Variants in COL21A1 observed in about 807,000 individuals in gnomAD.
COL21A1 encodes the protein collagen alpha-1(XXI) chain.
In COL21A1, 149 loss-of-function variants were observed where a neutral mutation model predicts 137.9. The observed-to-expected ratio is 1.08, with a 90% CI of 0.95 to 1.24. COL21A1 has a LOEUF of 1.24. Among genes scored for constraint, COL21A1 ranks in the 50% most tolerant of loss-of-function variants. The pLI is 0.00. For synonymous variants in COL21A1, 456 were observed against 391.5 expected (o/e 1.16, Z -1.95); for missense variants, 1,167 against 1,158.4 (o/e 1.01, Z -0.11).
At chr6:56,164,892 C>T in intron 7 of COL21A1, 70 bp from the exon 8 acceptor site, 3 of 1,162,032 alleles carry the variant, frequency 2.6e-6, no homozygotes, top group Non-Finnish European at 3.6e-6. Context: ...GCCTAATTTA[C>T]AGATATTTCA....
chr6:56,307,258 A>T (rs146800344), intron 1 of COL21A1, among the ~76,000 whole-genome samples: 16,568 of 152,258 alleles, frequency 0.11, 1,199 homozygotes, highest in Non-Finnish European at 0.16. Flanking sequence ...GCTGTAAGAC[A>T]GGGACATTTA....
rs139175519 is a variant in COL21A1 at position 56,382,741 on chromosome 6, C to T, written c.-39+11230G>A. ...CCAGGAAGAGGGCCCTCACCAGAAA[C>T]AAACCATGATGGCACCCTGATGTCA... is the stretch of plus-strand genomic sequence containing the variant. On this transcript the variant is annotated intron_variant, in intron 1 of 28. Coordinates refer to the COL21A1 transcript ENST00000370819. Among the ~76,000 whole-genome samples the T allele has an allele frequency of 2.9e-3, 438 of 152,226 alleles. 2 individuals are homozygous for T. The highest frequency in any genetic ancestry group is 9.1e-3 in the African/African-American group (379 of 41,546).
intron 16 of COL21A1, 66 bp from the exon 17 acceptor site, chr6:56,101,591 T>C: frequency 9.3e-7 from 1 of 1,074,886 alleles, no homozygotes; most frequent in Non-Finnish European, 1.4e-6. Flanking sequence ...AAAATAACAA[T>C]ATATAACATT....
chr6:56,311,071 A>G (rs950326015), intron 1 of COL21A1, among the ~76,000 whole-genome samples: 1 of 152,206 alleles, frequency 6.6e-6, no homozygotes, highest in African/African-American at 2.4e-5. Context: ...GTGCAATGCC[A>G]ATGTATTTTA....
intron 1 of COL21A1, among the ~76,000 whole-genome samples, chr6:56,351,499 G>C (rs1765710366): frequency 1.3e-5 from 2 of 152,204 alleles, no homozygotes; most frequent in Non-Finnish European, 2.9e-5. Flanking sequence ...CTGGGAGCTA[G>C]AGACTATTGC....
At chr6:56,382,786 T>C (rs1189086741) in intron 1 of COL21A1, among the ~76,000 whole-genome samples, 8 of 152,070 alleles carry the variant, frequency 5.3e-5, no homozygotes, top group Admixed American at 3.9e-4. Flanking sequence ...CCTCCATAAT[T>C]CTAAGAAAAT....
chr6:56,265,752 T>C (rs916715776), intron 1 of COL21A1, among the ~76,000 whole-genome samples: 10 of 152,148 alleles, frequency 6.6e-5, no homozygotes, highest in African/African-American at 2.4e-4. Context: ...TTTTTGTTTG[T>C]TTGGGGGAGG....
chr6:56,266,796 T>C (rs2152331690), intron 1 of COL21A1, among the ~76,000 whole-genome samples: 1 of 152,346 alleles, frequency 6.6e-6, no homozygotes, highest in East Asian at 1.9e-4. Context: ...CACTTTATTC[T>C]TTAAAGAATG....
intron 1 of COL21A1, among the ~76,000 whole-genome samples, chr6:56,197,356 A>C (rs1011137822): frequency 6.6e-6 from 1 of 152,170 alleles, no homozygotes; most frequent in Non-Finnish European, 1.5e-5. Flanking sequence ...AAAATAAACA[A>C]GTGGGACTAC....
rs1167040044 is a variant in COL21A1 at position 56,165,014 on chromosome 6, G to T, written c.1279-192C>A. Reference sequence around the variant, plus strand: ...TACATGTTACTACTCCATTCATATAGGAGAATACAGAAAGGATATATTTTT... The same window carrying T: ...TACATGTTACTACTCCATTCATATATGAGAATACAGAAAGGATATATTTTT... On this transcript the variant is annotated intron_variant, in intron 7 of 29. Coordinates refer to ENST00000244728, the MANE Select transcript of COL21A1 (RefSeq NM_030820.4). Among the ~76,000 whole-genome samples, 12 of 138,154 alleles carry T rather than the reference G, an allele frequency of 8.7e-5. No homozygotes were observed. The Admixed American group carries it at 8.9e-4, about 10-fold the overall frequency. 90.6% of individuals were successfully genotyped at this position (138,154 alleles called of 152,430 possible).
chr6:56,212,503 A>G (rs934304339), intron 1 of COL21A1, among the ~76,000 whole-genome samples: 1 of 152,062 alleles, frequency 6.6e-6, no homozygotes, highest in African/African-American at 2.4e-5. Context: ...ATTGATAAGG[A>G]CTTAGCATTT....
At chr6:56,388,061 G>A (rs1303032142) in intron 1 of COL21A1, among the ~76,000 whole-genome samples, 1 of 152,164 alleles carries the variant, frequency 6.6e-6, no homozygotes, top group Non-Finnish European at 1.5e-5. Context: ...TTGCAACTTG[G>A]GTACCAGCTC....
chr6:56,258,146 A>G (rs553368205), intron 1 of COL21A1, among the ~76,000 whole-genome samples: 2 of 152,278 alleles, frequency 1.3e-5, no homozygotes, highest in African/African-American at 4.8e-5. Flanking sequence ...CATTACTCAG[A>G]AACTTTGGAG....
chr6:56,338,853 T>C (rs1765396446), intron 1 of COL21A1, among the ~76,000 whole-genome samples: 1 of 152,132 alleles, frequency 6.6e-6, no homozygotes. Context: ...GTCTCCTGCT[T>C]ATATAGACTT....
At chr6:56,145,465 T>C (rs1774758988) in intron 10 of COL21A1, among the ~76,000 whole-genome samples, 1 of 151,668 alleles carries the variant, frequency 6.6e-6, no homozygotes, top group Non-Finnish European at 1.5e-5. Flanking sequence ...TAGAATGAAA[T>C]TCAGAAAAAC....
At chr6:56,253,370 T>G (rs573808361) in intron 1 of COL21A1, among the ~76,000 whole-genome samples, 1 of 152,294 alleles carries the variant, frequency 6.6e-6, no homozygotes, top group African/African-American at 2.4e-5. Flanking sequence ...TTGACCCAAA[T>G]GGGGCCAGTT....
intron 24 of COL21A1, among the ~76,000 whole-genome samples, chr6:56,063,820 A>G (rs187255730): frequency 6.6e-6 from 1 of 151,800 alleles, no homozygotes; most frequent in African/African-American, 2.4e-5. Flanking sequence ...TCTCCCACTC[A>G]CCCTCAGAGA....
intron 1 of COL21A1, among the ~76,000 whole-genome samples, chr6:56,324,225 C>A (rs540401928): frequency 2.6e-5 from 4 of 152,120 alleles, no homozygotes; most frequent in African/African-American, 9.7e-5. Context: ...ACTCAACCAG[C>A]CTTCAATGCC....
chr6:56,389,556 G>A (rs1052555558), intron 1 of COL21A1, among the ~76,000 whole-genome samples: 11 of 152,122 alleles, frequency 7.2e-5, no homozygotes, highest in Non-Finnish European at 1.5e-5. Flanking sequence ...TAGATTTAGA[G>A]AAAGATGTGA....
Sources: gnomAD v4.1 joint callset for allele counts (sites outside exome capture counted in the v4.1 genomes callset) on GRCh38, gnomAD v4.1.1 for gene constraint, MANE v1.5 for transcripts, NCBI Gene and HGNC (gene_info 2026-07-23, HGNC 2026-07-21) for gene names.